Variants in KLF13 observed in about 807,000 individuals in gnomAD.
KLF13 encodes the protein KLF transcription factor 13, also known as Krueppel-like factor 13.
KLF13 carries 8 observed loss-of-function variants against 16.7 expected under a neutral mutation model. The observed-to-expected ratio is 0.48, with a 90% CI of 0.28 to 0.87. The LOEUF (loss-of-function observed/expected upper bound fraction) is 0.87. Ranked by LOEUF, KLF13 falls within the 40% of genes least tolerant of loss-of-function variation. The pLI is 0.10. For synonymous variants in KLF13, 245 were observed against 208.4 expected (o/e 1.18, Z -1.51); for missense variants, 447 against 452.2 (o/e 0.99, Z 0.10).
At chr15:31,421,033 G>A (rs2040316438) in intron 1 of KLF13, among the ~76,000 whole-genome samples, 1 of 152,100 alleles carries the variant, frequency 6.6e-6, no homozygotes. Context: ...GTTTTCCTTT[G>A]ATGGTCTGTC....
Position 31,371,219 on chromosome 15 carries a change from G to A in KLF13, c.578-791G>A, listed in dbSNP as rs371805548. The stretch of plus-strand genomic sequence containing the variant: ...TAAATGCTGGCCTGTCTCCCGCTCC[G>A]AGTGAGGGATGGGAAGGAGGGAGCA... On this transcript the variant is annotated intron_variant, in intron 1 of 1. Coordinates refer to ENST00000307145, the MANE Select transcript of KLF13 (RefSeq NM_015995.4). Among the ~76,000 whole-genome samples the A allele has an allele frequency of 1.4e-4, 22 of 152,276 alleles. No homozygotes were observed. The East Asian group carries it at 2.3e-3, about 16-fold the overall frequency.
chr15:31,388,618 A>G (rs28587873), upstream of KLF13, among the ~76,000 whole-genome samples: 211 of 151,522 alleles, frequency 1.4e-3, 1 homozygote, highest in South Asian at 2.3e-3. Flanking sequence ...AAAAAAAAAA[A>G]AAAAGAAAAA....
At chr15:31,420,925 T>G (rs974159885) in intron 1 of KLF13, among the ~76,000 whole-genome samples, 5 of 152,160 alleles carry the variant, frequency 3.3e-5, no homozygotes, top group African/African-American at 1.2e-4. Flanking sequence ...ACTCCTGACC[T>G]CAGGTGATCT....
At position 31,385,732 on chromosome 15, in the gene KLF13, C is replaced by T. The variant is rs555605048; in HGVS notation, n.224-49638C>T. The stretch of plus-strand genomic sequence containing the variant: ...CCCTGTCTTTCTCCCTCTCCTCAGG[C>T]CTCCCTATTCCCTAAGACACAATAT... On this transcript the variant is annotated intron_variant and non_coding_transcript_variant, in intron 1 of 1. Coordinates refer to the KLF13 transcript ENST00000558921. Among the ~76,000 whole-genome samples the T allele has an allele frequency of 7.9e-5, 12 of 152,282 alleles. No individual in the cohort carries two copies. In the South Asian group the frequency reaches 2.3e-3, roughly 29 times the overall value.
intron 1 of KLF13, among the ~76,000 whole-genome samples, chr15:31,346,398 A>C (rs2039117531): frequency 6.6e-6 from 1 of 152,142 alleles, no homozygotes; most frequent in Non-Finnish European, 1.5e-5. Flanking sequence ...ACCCTTTGGT[A>C]AAGAGTATGA....
intron 1 of KLF13, among the ~76,000 whole-genome samples, chr15:31,349,744 G>A (rs1043249487): frequency 6.6e-6 from 1 of 152,200 alleles, no homozygotes; most frequent in African/African-American, 2.4e-5. Context: ...TGGGAGCAGG[G>A]GGCTTCAGGT....
chr15:31,340,736 G>T (rs1487824871), intron 1 of KLF13, among the ~76,000 whole-genome samples: 1 of 152,132 alleles, frequency 6.6e-6, no homozygotes, highest in Non-Finnish European at 1.5e-5. Flanking sequence ...GGGCATGGTG[G>T]TGCACACACC....
chr15:31,337,865 T>C (rs1230256259), intron 1 of KLF13, among the ~76,000 whole-genome samples: 1 of 152,238 alleles, frequency 6.6e-6, no homozygotes, highest in Non-Finnish European at 1.5e-5. Flanking sequence ...TGGGTAAGCC[T>C]GAGGGGCTTT....
intron 1 of KLF13, among the ~76,000 whole-genome samples, chr15:31,423,187 A>G (rs184915072): frequency 6.7e-5 from 9 of 134,328 alleles, no homozygotes; most frequent in South Asian, 2.3e-4. Context: ...ATATATACGT[A>G]TATATATATA....
At chr15:31,424,279 A>G (rs536113192) in intron 1 of KLF13, among the ~76,000 whole-genome samples, 2 of 152,300 alleles carry the variant, frequency 1.3e-5, no homozygotes, top group Admixed American at 1.3e-4. Context: ...GGTAAAGAAA[A>G]CTACAAACTT....
At chr15:31,385,306 T>C (rs1417721507) in intron 1 of KLF13, among the ~76,000 whole-genome samples, 1 of 152,228 alleles carries the variant, frequency 6.6e-6, no homozygotes. Context: ...TGAAGGTTAA[T>C]CCCAAAGTCA....
chr15:31,383,248 G>A (rs189144498), intron 1 of KLF13, among the ~76,000 whole-genome samples: 13 of 152,310 alleles, frequency 8.5e-5, no homozygotes, highest in Admixed American at 4.6e-4. Flanking sequence ...TTCTGAGATC[G>A]ACTGTTGGCC....
exon 1 of KLF13, chr15:31,393,172 C>G (rs2039898842): frequency 6.6e-6 from 1 of 152,470 alleles, no homozygotes; most frequent in Non-Finnish European, 1.5e-5. Flanking sequence ...CTGCGTCTCT[C>G]CCAGAACTCG....
At chr15:31,423,646 T>G (rs2040370543) in intron 1 of KLF13, among the ~76,000 whole-genome samples, 1 of 151,920 alleles carries the variant, frequency 6.6e-6, no homozygotes, top group Non-Finnish European at 1.5e-5. Flanking sequence ...AAAAAGGAAC[T>G]TGAACAACAT....
chr15:31,336,249 A>G (rs1344469229), intron 1 of KLF13, among the ~76,000 whole-genome samples: 1 of 152,222 alleles, frequency 6.6e-6, no homozygotes, highest in East Asian at 1.9e-4. Flanking sequence ...TGGGGGACAC[A>G]TCTGTCTTCC....
downstream of KLF13, among the ~76,000 whole-genome samples, chr15:31,406,257 A>C (rs2040127775): frequency 6.6e-6 from 1 of 152,164 alleles, no homozygotes; most frequent in African/African-American, 2.4e-5. Context: ...CAGGCGGATC[A>C]CCTGAGGTCA....
intron 1 of KLF13, chr15:31,366,101 C>T (rs1442569994): frequency 3.3e-5 from 5 of 152,066 alleles, no homozygotes; most frequent in Admixed American, 3.3e-4. Context: ...ACTCCAATCC[C>T]CACCCACCCC....
In KLF13 at chr15:31,359,832, A is replaced by G. The variant is rs979144140; in HGVS notation, c.578-12178A>G. Among the ~76,000 whole-genome samples the G allele has an allele frequency of 9.2e-5, 14 of 151,864 alleles. 1 individual carries two copies. Among genetic ancestry groups the G allele is most frequent in the Admixed American group, 8.5e-4 (13 of 15,262 alleles). On this transcript the variant is annotated intron_variant, in intron 1 of 1. Transcript: ENST00000307145. Reference sequence around the variant, plus strand: ...ACAGCTGGGCTGGCTCCGTGTGCTTACTCTCCCTCGTCTACCCCATCCAAC... The same window carrying G: ...ACAGCTGGGCTGGCTCCGTGTGCTTGCTCTCCCTCGTCTACCCCATCCAAC...
chr15:31,353,661 C>T (rs1221566794), intron 1 of KLF13, among the ~76,000 whole-genome samples: 1 of 152,246 alleles, frequency 6.6e-6, no homozygotes, highest in Admixed American at 6.5e-5. Context: ...CTTATCCTCC[C>T]CCCAAAGGGA....
Sources: gnomAD v4.1 joint callset for allele counts (sites outside exome capture counted in the v4.1 genomes callset) on GRCh38, gnomAD v4.1.1 for gene constraint, MANE v1.5 for transcripts, NCBI Gene and HGNC (gene_info 2026-07-23, HGNC 2026-07-21) for gene names.